Variants in CCDC138 observed in about 807,000 individuals in gnomAD.
The protein encoded by CCDC138 is coiled-coil domain containing 138, also known as coiled-coil domain-containing protein 138.
A neutral mutation model predicts 82.3 loss-of-function variants in CCDC138; 66 were observed. The observed-to-expected ratio is 0.80, with a 90% CI of 0.66 to 0.98. The LOEUF (loss-of-function observed/expected upper bound fraction) is 0.98. Among genes scored for constraint, CCDC138 ranks in the 50% least tolerant of loss-of-function variants. The pLI, the probability that CCDC138 is intolerant of heterozygous loss-of-function variation, is 0.00. For missense variants in CCDC138, 816 were observed against 758.9 expected (o/e 1.08, Z -0.88); for synonymous variants, 297 against 265.4 (o/e 1.12, Z -1.16).
At chr2:108,851,663 G>A (rs545364224) in intron 12 of CCDC138, among the ~76,000 whole-genome samples, 14 of 152,234 alleles carry the variant, frequency 9.2e-5, no homozygotes, top group Non-Finnish European at 1.3e-4. Context: ...AGGATATAGG[G>A]CTGGACTCTC....
At chr2:108,862,770 C>T (rs879585870) in intron 13 of CCDC138, among the ~76,000 whole-genome samples, 7 of 151,934 alleles carry the variant, frequency 4.6e-5, no homozygotes, top group South Asian at 2.1e-4. Context: ...TTTCCACAAA[C>T]GGTTTTCTTG....
downstream of CCDC138, among the ~76,000 whole-genome samples, chr2:108,880,224 C>CG (rs1696253290): frequency 2.0e-5 from 1 of 50,454 alleles, no homozygotes; most frequent in Non-Finnish European, 4.8e-5. Flanking sequence ...CAAAAACAAA[C>CG]AAAAAAAAAA....
intron 3 of CCDC138, among the ~76,000 whole-genome samples, chr2:108,789,982 G>T (rs551695640): frequency 2.0e-5 from 3 of 152,244 alleles, no homozygotes; most frequent in Admixed American, 6.5e-5. Flanking sequence ...AATAATTGTG[G>T]AGAGAAAAAA....
intron 11 of CCDC138, among the ~76,000 whole-genome samples, chr2:108,840,549 G>A (rs908270432): frequency 2.0e-5 from 3 of 152,274 alleles, no homozygotes; most frequent in Non-Finnish European, 4.4e-5. Context: ...TCGATGATTT[G>A]TAGTAGTTTG....
intron 4 of CCDC138, among the ~76,000 whole-genome samples, chr2:108,792,376 C>T (rs949237662): frequency 2.0e-5 from 3 of 152,174 alleles, no homozygotes; most frequent in Non-Finnish European, 2.9e-5. Flanking sequence ...ATAATTCTGT[C>T]GGGACTTGAG....
intron 11 of CCDC138, among the ~76,000 whole-genome samples, chr2:108,840,940 TAGCTGGGATTA>T (rs1366677064): frequency 6.6e-6 from 1 of 152,156 alleles, no homozygotes; most frequent in African/African-American, 2.4e-5. Context: ...GCCTCCCAAG[TAGCTGGGATTA>T]CAGATGCCCA....
chr2:108,831,214 A>G (rs772302895), intron 10 of CCDC138, among the ~76,000 whole-genome samples: 2 of 152,140 alleles, frequency 1.3e-5, no homozygotes, highest in African/African-American at 2.4e-5. Context: ...ATGTCAGATC[A>G]TCACTGTAAG....
At chr2:108,867,131 A>C (rs1175984314) in intron 13 of CCDC138, among the ~76,000 whole-genome samples, 1 of 152,048 alleles carries the variant, frequency 6.6e-6, no homozygotes, top group Non-Finnish European at 1.5e-5. Context: ...ATATATGTAT[A>C]ATTTATATAA....
At chr2:108,788,577 G>T (rs1410425219) in intron 2 of CCDC138, among the ~76,000 whole-genome samples, 2 of 151,894 alleles carry the variant, frequency 1.3e-5, no homozygotes, top group Middle Eastern at 3.5e-3. Context: ...AAAATTAGCC[G>T]GGTGTGGTGG....
At chr2:108,854,056 TTA>T (rs547463853) in intron 12 of CCDC138, among the ~76,000 whole-genome samples, 17 of 89,242 alleles carry the variant, frequency 1.9e-4, no homozygotes, top group African/African-American at 8.1e-4. Context: ...TAAATTTATA[TTA>T]TATATATTTT....
In CCDC138 at chr2:108,873,580, C is replaced by G. The variant is rs756504364; in HGVS notation, c.1823C>G (p.Ser608Cys). 1.9e-6 allele frequency: 3 copies of G among 1,591,238 alleles called. No individual in the cohort carries two copies. The highest frequency in any genetic ancestry group is 3.4e-4 in the Middle Eastern group (2 of 5,968). Residue 608 changes from serine to cysteine, a missense_variant, in exon 14 of 15, where the codon TCC becomes TGC. Physicochemically the swap from Ser to Cys is moderately radical, Grantham distance 112. Coordinates refer to ENST00000295124, the MANE Select transcript of CCDC138 (RefSeq NM_144978.3). ...EKLSIILQKLSKIKSNKKLFE... is the reference protein window; with the variant it reads ...EKLSIILQKLCKIKSNKKLFE... ...CTCAGTATTATTTTACAGAAACTTT[C>G]CAAAATCAAGTAAGAATTTCTTATT...
At chr2:108,820,141 C>T (rs1006238810) in intron 10 of CCDC138, among the ~76,000 whole-genome samples, 1 of 152,180 alleles carries the variant, frequency 6.6e-6, no homozygotes, top group African/African-American at 2.4e-5. Flanking sequence ...GGCACAGTGG[C>T]TTACACCTGT....
chr2:108,793,585 CTTTTT>C (rs1214818354), intron 4 of CCDC138, among the ~76,000 whole-genome samples: 3 of 151,148 alleles, frequency 2.0e-5, no homozygotes, highest in Non-Finnish European at 3.0e-5. Context: ...CCTCAGGAAA[CTTTTT>C]TTTGTTTTGT....
chr2:108,804,847 C>T, intron 6 of CCDC138, 42 bp from the exon 7 acceptor site: 1 of 1,463,184 alleles, frequency 6.8e-7, no homozygotes, highest in Non-Finnish European at 9.0e-7. Flanking sequence ...GATATACAGT[C>T]CTTACAAGTT....
At chr2:108,879,036 TA>T (rs58469769), downstream of CCDC138, among the ~76,000 whole-genome samples, 110,321 of 151,800 alleles carry the variant, frequency 0.73, 42,858 homozygotes, top group East Asian at 0.95. Context: ...GGTCATGTTC[TA>T]AATAAATTTG....
At chr2:108,854,079 TAATA>T (rs1265346830) in intron 12 of CCDC138, among the ~76,000 whole-genome samples, 1 of 131,018 alleles carries the variant, frequency 7.6e-6, no homozygotes, top group African/African-American at 2.9e-5. Context: ...ATATATAATA[TAATA>T]AATTTATATT....
At position 108,815,927 on chromosome 2, in the gene CCDC138, T is replaced by G; in HGVS notation, c.1042-14T>G. The G allele has an allele frequency of 1.3e-6, 2 of 1,581,232 alleles. No homozygotes were observed. The highest frequency in any genetic ancestry group is 1.7e-6 in the Non-Finnish European group (2 of 1,167,260). ...TTGTGAACTGAAATAAATGATTTAA[T>G]TTTTGACATATAGGTACCACTTAAT... On this transcript the variant is annotated splice_polypyrimidine_tract_variant and intron_variant, in intron 9 of 14. Transcript: ENST00000295124.
chr2:108,833,230 A>C (rs1023043822), intron 10 of CCDC138, among the ~76,000 whole-genome samples: 1 of 152,248 alleles, frequency 6.6e-6, no homozygotes, highest in Admixed American at 6.5e-5. Flanking sequence ...AGTGAATCCT[A>C]ATGTAAACTA....
chr2:108,860,867 A>G (rs79018808), intron 13 of CCDC138, among the ~76,000 whole-genome samples: 3,132 of 147,012 alleles, frequency 0.021, 114 homozygotes, highest in South Asian at 0.084. Context: ...AATAGTTTCA[A>G]TAGAATTGGT....
Sources: gnomAD v4.1 joint callset for allele counts (sites outside exome capture counted in the v4.1 genomes callset) on GRCh38, gnomAD v4.1.1 for gene constraint, MANE v1.5 for transcripts, NCBI Gene and HGNC (gene_info 2026-07-23, HGNC 2026-07-21) for gene names.